The following JAM3 variants were observed in gnomAD, a reference collection of about 807,000 sequenced individuals.
JAM3 encodes junctional adhesion molecule 3, also known as junctional adhesion molecule C.
JAM3 carries 31 observed loss-of-function variants against 39.4 expected under a neutral mutation model. The ratio of observed to expected loss-of-function variants is 0.79; its 90% CI spans 0.59 to 1.06. The LOEUF (loss-of-function observed/expected upper bound fraction) is 1.06, where lower values mean the gene tolerates loss of function less well. Among genes scored for constraint, JAM3 ranks in the 50% least tolerant of loss-of-function variants. JAM3 has a pLI of 0.00. For missense variants in JAM3, 455 were observed against 391.4 expected (o/e 1.16, Z -1.37); for synonymous variants, 182 against 148.7 (o/e 1.22, Z -1.63).
chr11:134,117,326 G>A (rs1440041666), intron 1 of JAM3, among the ~76,000 whole-genome samples: 1 of 152,208 alleles, frequency 6.6e-6, no homozygotes, highest in African/African-American at 2.4e-5. Flanking sequence ...GCACTGAGCT[G>A]AGATCACACC....
intron 1 of JAM3, among the ~76,000 whole-genome samples, chr11:134,072,687 G>A (rs1395734741): frequency 2.0e-5 from 3 of 151,168 alleles, no homozygotes; most frequent in South Asian, 2.1e-4. Context: ...CGAGGTGGGC[G>A]GATCACAAGA....
At chr11:134,119,496 A>G (rs1235387039) in intron 1 of JAM3, among the ~76,000 whole-genome samples, 2 of 152,212 alleles carry the variant, frequency 1.3e-5, no homozygotes, top group Admixed American at 1.3e-4. Context: ...CAGAACTATT[A>G]GGAGATAGAG....
At chr11:134,088,554 A>T (rs1013330962) in intron 1 of JAM3, among the ~76,000 whole-genome samples, 3 of 152,232 alleles carry the variant, frequency 2.0e-5, no homozygotes, top group African/African-American at 7.2e-5. Flanking sequence ...TATATACTTA[A>T]GTTGTACAAC....
Position 134,139,754 on chromosome 11 carries a change from C to T in JAM3, c.77-97C>T, listed in dbSNP as rs567016410. On this transcript the variant is annotated intron_variant, in intron 1 of 8. Transcript: ENST00000299106. The stretch of plus-strand genomic sequence containing the variant: ...TTTTTCCATCCTCTGTGGTTAGTAA[C>T]CATAGCCTACGCAGACGGGAAAACC... The T allele has an allele frequency of 3.3e-6, 3 of 914,894 alleles. No individual in the cohort carries two copies. In the South Asian group the frequency reaches 3.9e-5, roughly 12 times the overall value. 56.7% of individuals were successfully genotyped at this position (914,894 alleles called of 1,614,324 possible).
chr11:134,075,698 AT>A (rs1941556425), intron 1 of JAM3, among the ~76,000 whole-genome samples: 1 of 152,026 alleles, frequency 6.6e-6, no homozygotes. Context: ...AAGTGCTGAG[AT>A]TATGGGCATA....
At chr11:134,113,158 A>G (rs912589767) in intron 1 of JAM3, among the ~76,000 whole-genome samples, 15 of 151,516 alleles carry the variant, frequency 9.9e-5, no homozygotes, top group African/African-American at 3.4e-4. Context: ...TCTTTTACAG[A>G]GTAGTAATTG....
intron 1 of JAM3, among the ~76,000 whole-genome samples, chr11:134,125,056 T>G (rs890908163): frequency 2.6e-5 from 4 of 152,188 alleles, no homozygotes; most frequent in African/African-American, 7.2e-5. Flanking sequence ...GAGTCTGTCT[T>G]GCTGCTGCTC....
chr11:134,137,341 C>T (rs1217120497), intron 1 of JAM3, among the ~76,000 whole-genome samples: 1 of 152,208 alleles, frequency 6.6e-6, no homozygotes, highest in Non-Finnish European at 1.5e-5. Flanking sequence ...TTGTTACCAA[C>T]TCTAGTATTT....
At chr11:134,077,851 C>T (rs1941598664) in intron 1 of JAM3, among the ~76,000 whole-genome samples, 1 of 151,820 alleles carries the variant, frequency 6.6e-6, no homozygotes, top group East Asian at 1.9e-4. Flanking sequence ...AGTGTTTCAC[C>T]ATGTTGGCCA....
intron 1 of JAM3, among the ~76,000 whole-genome samples, chr11:134,095,118 G>A (rs1056239783): frequency 3.9e-5 from 6 of 152,106 alleles, no homozygotes; most frequent in Non-Finnish European, 8.8e-5. Context: ...GTCAGCATTA[G>A]GTCTGTCAAA....
intron 1 of JAM3, among the ~76,000 whole-genome samples, chr11:134,088,176 C>T (rs1296163007): frequency 1.3e-5 from 2 of 152,178 alleles, no homozygotes; most frequent in African/African-American, 2.4e-5. Context: ...CCCATTTATC[C>T]AGCTTTCCCC....
At chr11:134,138,169 TGGCGTCTCGTCG>T in intron 1 of JAM3, among the ~76,000 whole-genome samples, 1 of 131,642 alleles carries the variant, frequency 7.6e-6, no homozygotes, top group African/African-American at 3.2e-5. Flanking sequence ...GAGCCAGTGG[TGGCGTCTCGTCG>T]AAGTCGTGGT....
intron 6 of JAM3, 198 bp from the exon 7 acceptor site, chr11:134,148,349 T>G (rs919460992): frequency 9.5e-6 from 6 of 630,072 alleles, no homozygotes; most frequent in Non-Finnish European, 1.7e-5. Flanking sequence ...ACTTTTCACG[T>G]GTGAAGTTAG....
chr11:134,138,809 CT>C (rs1942921088), intron 1 of JAM3, among the ~76,000 whole-genome samples: 1 of 152,110 alleles, frequency 6.6e-6, no homozygotes, highest in Non-Finnish European at 1.5e-5. Context: ...TTGTTTAGGG[CT>C]TTTGCTAGAA....
intron 1 of JAM3, among the ~76,000 whole-genome samples, chr11:134,074,111 G>A (rs1013911857): frequency 5.3e-5 from 8 of 152,186 alleles, no homozygotes; most frequent in Admixed American, 5.2e-4. Flanking sequence ...AGGTATACTA[G>A]TATATACTGT....
At chr11:134,109,768 G>C in intron 1 of JAM3, among the ~76,000 whole-genome samples, 1 of 152,200 alleles carries the variant, frequency 6.6e-6, no homozygotes. Flanking sequence ...TAGGGAAATA[G>C]TCAATTATGT....
chr11:134,134,142 C>A (rs79978516), intron 1 of JAM3, among the ~76,000 whole-genome samples: 1 of 151,794 alleles, frequency 6.6e-6, no homozygotes, highest in African/African-American at 2.4e-5. Context: ...TGGACTCAAC[C>A]TCTGAGCTTG....
chr11:134,090,266 T>C (rs1941823111), intron 1 of JAM3, among the ~76,000 whole-genome samples: 1 of 152,268 alleles, frequency 6.6e-6, no homozygotes, highest in Non-Finnish European at 1.5e-5. Context: ...GCCTGTTCAC[T>C]GTGATGGTAG....
intron 1 of JAM3, among the ~76,000 whole-genome samples, chr11:134,135,408 T>G (rs1453220411): frequency 6.6e-6 from 1 of 152,260 alleles, no homozygotes; most frequent in African/African-American, 2.4e-5. Flanking sequence ...GACCCCACAC[T>G]GTTTTGATCA....
Sources: allele counts gnomAD v4.1 joint callset (sites outside exome capture counted in the v4.1 genomes callset), GRCh38; gene constraint gnomAD v4.1.1; transcripts MANE v1.5; gene names NCBI Gene and HGNC (gene_info 2026-07-23, HGNC 2026-07-21).